STX8: variants seen among roughly 807,000 people sequenced by gnomAD.
The protein encoded by STX8 is syntaxin-8.
STX8 carries 23 observed loss-of-function variants against 37.5 expected under a neutral mutation model. The observed-to-expected ratio is 0.61, with a 90% CI of 0.44 to 0.87. The LOEUF is 0.87. Ranked by LOEUF, STX8 falls within the 40% of genes least tolerant of loss-of-function variation. The probability of loss-of-function intolerance (pLI) is 0.00; values close to 1 mark genes in which losing one functional copy is unlikely to be tolerated. For synonymous variants in STX8, 115 were observed against 99.1 expected (o/e 1.16, Z -0.95); for missense variants, 313 against 284.7 (o/e 1.10, Z -0.71).
chr17:9,425,055 A>C (rs1430972997), intron 6 of STX8, among the ~76,000 whole-genome samples: 1 of 152,226 alleles, frequency 6.6e-6, no homozygotes, highest in Non-Finnish European at 1.5e-5. Context: ...ATACTGATGA[A>C]TGACCAGGAT....
intron 6 of STX8, among the ~76,000 whole-genome samples, chr17:9,390,671 C>CA (rs34634153): frequency 0.051 from 6,455 of 125,440 alleles, 505 homozygotes; most frequent in African/African-American, 0.17. Context: ...ACTAAAAATA[C>CA]AAAAAAAAAA....
intron 7 of STX8, among the ~76,000 whole-genome samples, chr17:9,330,795 C>T (rs187241605): frequency 4.7e-4 from 71 of 152,270 alleles, no homozygotes; most frequent in African/African-American, 1.6e-3. Flanking sequence ...CTGCAGCTTG[C>T]GCGTAATGGG....
chr17:9,319,673 C>A (rs1261774618), intron 7 of STX8, among the ~76,000 whole-genome samples: 1 of 151,910 alleles, frequency 6.6e-6, no homozygotes, highest in Non-Finnish European at 1.5e-5. Context: ...TGAAAGCCGG[C>A]CAGGCACAGT....
At chr17:9,441,292 C>A (rs950441453) in intron 6 of STX8, among the ~76,000 whole-genome samples, 3 of 151,984 alleles carry the variant, frequency 2.0e-5, no homozygotes, top group African/African-American at 7.2e-5. Flanking sequence ...GAGATCAAAA[C>A]CATCCTGGCC....
chr17:9,501,668 G>GC (rs1458218808), intron 5 of STX8, among the ~76,000 whole-genome samples: 1 of 148,824 alleles, frequency 6.7e-6, no homozygotes, highest in African/African-American at 2.5e-5. Flanking sequence ...TCCAGCCTGG[G>GC]CAACAGTCTC....
intron 6 of STX8, among the ~76,000 whole-genome samples, chr17:9,402,544 A>G (rs1050608089): frequency 1.3e-5 from 2 of 152,196 alleles, no homozygotes; most frequent in Admixed American, 1.3e-4. Flanking sequence ...ATACAGTGCA[A>G]CAAAAATGAG....
At chr17:9,462,353 C>T (rs1030707808) in intron 6 of STX8, among the ~76,000 whole-genome samples, 2 of 152,136 alleles carry the variant, frequency 1.3e-5, no homozygotes, top group Admixed American at 6.5e-5. Context: ...CTAAGCAAAC[C>T]AAGGCAGAGA....
intron 6 of STX8, among the ~76,000 whole-genome samples, chr17:9,475,299 T>G (rs915900744): frequency 1.3e-5 from 2 of 151,702 alleles, no homozygotes; most frequent in Admixed American, 6.6e-5. Flanking sequence ...AAACTGGGGG[T>G]GGGGAATGGG....
chr17:9,302,620 T>C (rs1003570497), intron 7 of STX8, among the ~76,000 whole-genome samples: 1 of 152,140 alleles, frequency 6.6e-6, no homozygotes, highest in African/African-American at 2.4e-5. Context: ...AGCACACACT[T>C]CATGCTCTTT....
chr17:9,337,510 G>A (rs1910176609), intron 7 of STX8, among the ~76,000 whole-genome samples: 1 of 152,112 alleles, frequency 6.6e-6, no homozygotes, highest in Non-Finnish European at 1.5e-5. Flanking sequence ...GGGATTACAG[G>A]CACACGCCAC....
At chr17:9,332,147 A>G (rs73267998) in intron 7 of STX8, among the ~76,000 whole-genome samples, 1 of 152,168 alleles carries the variant, frequency 6.6e-6, no homozygotes, top group Non-Finnish European at 1.5e-5. Flanking sequence ...TGTTACTAGG[A>G]TTTCTTAGCT....
At chr17:9,549,609 C>T (rs1311663053) in intron 3 of STX8, among the ~76,000 whole-genome samples, 2 of 152,134 alleles carry the variant, frequency 1.3e-5, no homozygotes, top group Non-Finnish European at 2.9e-5. Flanking sequence ...ACTGGGAGTA[C>T]GAATTCAGAA....
rs1297626169 is a variant in STX8 at position 9,438,240 on chromosome 17, C to CAAA, written c.541+53586_541+53588dup. Among the ~76,000 whole-genome samples the CAAA allele has an allele frequency of 5.4e-3, 355 of 66,294 alleles. 2 individuals carry two copies. The highest frequency in any genetic ancestry group is 0.033 in the South Asian group (62 of 1,880). The allele number at this position is 66,294 out of a possible 152,430, so 43.5% of individuals were successfully genotyped here. A position where few individuals can be genotyped will look rare whatever the true frequency, so the allele number is the denominator to read the frequency against. ...CCTGGGTGAGAGTGAGACTCCATCT[C>CAAA]AAAAAAAAAAAAAAAAAAAGGCCAT... On this transcript the variant is annotated intron_variant, in intron 6 of 7. Coordinates refer to ENST00000306357, the MANE Select transcript of STX8 (RefSeq NM_004853.3).
At chr17:9,375,063 CAAAAAAAAAA>C (rs58594029) in intron 7 of STX8, among the ~76,000 whole-genome samples, 2 of 65,472 alleles carry the variant, frequency 3.1e-5, no homozygotes, top group Non-Finnish European at 6.3e-5. Context: ...GACTCTGTCT[CAAAAAAAAAA>C]AAAAAAAAAA....
chr17:9,287,819 C>T (rs1400505597), intron 7 of STX8, among the ~76,000 whole-genome samples: 16 of 151,890 alleles, frequency 1.1e-4, no homozygotes, highest in African/African-American at 3.1e-4. Context: ...TGGCACATCT[C>T]GGCTCACTGC....
chr17:9,361,164 G>T (rs1426997848), intron 7 of STX8, among the ~76,000 whole-genome samples: 1 of 152,094 alleles, frequency 6.6e-6, no homozygotes, highest in Non-Finnish European at 1.5e-5. Flanking sequence ...CATTGGTAAG[G>T]TTCTGTTGGA....
chr17:9,403,861 T>C (rs910233942), intron 6 of STX8, among the ~76,000 whole-genome samples: 5 of 152,058 alleles, frequency 3.3e-5, no homozygotes, highest in African/African-American at 1.2e-4. Flanking sequence ...TTGGCCAGGC[T>C]GGTCTCGAAC....
intron 6 of STX8, among the ~76,000 whole-genome samples, chr17:9,416,374 A>T (rs1913194185): frequency 6.9e-6 from 1 of 145,904 alleles, no homozygotes; most frequent in Admixed American, 6.8e-5. Flanking sequence ...TTGTAGTTTA[A>T]TTTTTTTTTT....
At chr17:9,383,809 T>C (rs753148109) in intron 6 of STX8, among the ~76,000 whole-genome samples, 1 of 152,180 alleles carries the variant, frequency 6.6e-6, no homozygotes, top group African/African-American at 2.4e-5. Flanking sequence ...TATTTCTATA[T>C]ACCAGTGATA....
Sources: gnomAD v4.1 joint callset for allele counts (sites outside exome capture counted in the v4.1 genomes callset) on GRCh38, gnomAD v4.1.1 for gene constraint, MANE v1.5 for transcripts, NCBI Gene and HGNC (gene_info 2026-07-23, HGNC 2026-07-21) for gene names.